Variants in FGF1 observed in about 807,000 individuals in gnomAD.
The protein encoded by FGF1 is beta-endothelial cell growth factor.
In FGF1, 9 loss-of-function variants were observed where a neutral mutation model predicts 13.4. That is an observed-to-expected ratio of 0.67 (90% CI 0.40 to 1.17). The LOEUF is 1.17. Ranked by LOEUF, FGF1 falls within the 50% of genes most tolerant of loss-of-function variation. The probability of loss-of-function intolerance (pLI) is 0.01; values close to 1 mark genes in which losing one functional copy is unlikely to be tolerated. For missense variants in FGF1, 156 were observed against 192.7 expected (o/e 0.81, Z 1.13); for synonymous variants, 93 against 79.0 (o/e 1.18, Z -0.94).
At chr5:142,678,650 C>T (rs1773113486) in intron 1 of FGF1, among the ~76,000 whole-genome samples, 1 of 152,206 alleles carries the variant, frequency 6.6e-6, no homozygotes, top group Non-Finnish European at 1.5e-5. Flanking sequence ...GCCACAGTCC[C>T]TGATGAATAA....
chr5:142,604,831 C>T (rs985949092), intron 2 of FGF1, among the ~76,000 whole-genome samples: 13 of 152,164 alleles, frequency 8.5e-5, no homozygotes, highest in African/African-American at 3.1e-4. Flanking sequence ...TTCACACAAT[C>T]TCTTGGGCTC....
At chr5:142,604,134 A>C (rs1489751475) in intron 2 of FGF1, among the ~76,000 whole-genome samples, 3 of 152,204 alleles carry the variant, frequency 2.0e-5, no homozygotes, top group African/African-American at 7.2e-5. Context: ...AATTATGGTT[A>C]AAAGGCATGG....
chr5:142,681,576 A>G (rs1773701214), intron 1 of FGF1, among the ~76,000 whole-genome samples: 1 of 152,176 alleles, frequency 6.6e-6, no homozygotes, highest in African/African-American at 2.4e-5. Flanking sequence ...CAGAATTTCC[A>G]AATCCTGGCC....
intron 1 of FGF1, among the ~76,000 whole-genome samples, chr5:142,617,364 CA>C (rs113175195): frequency 3.7e-4 from 52 of 141,042 alleles, no homozygotes; most frequent in East Asian, 8.3e-4. Context: ...GACTCTGTCT[CA>C]AAAAAAAAAA....
chr5:142,606,210 TTC>T (rs66960743), intron 2 of FGF1, among the ~76,000 whole-genome samples: 1,941 of 95,792 alleles, frequency 0.02, 33 homozygotes, highest in East Asian at 0.063. Context: ...GCAACATTCT[TTC>T]TCTCTCTGTG....
chr5:142,646,091 A>G (rs2151961587), intron 1 of FGF1, among the ~76,000 whole-genome samples: 1 of 149,556 alleles, frequency 6.7e-6, no homozygotes, highest in East Asian at 2.1e-4. Context: ...TTGTATTTGT[A>G]GTAGAGATGG....
At chr5:142,635,710 A>G (rs545459128) in intron 1 of FGF1, among the ~76,000 whole-genome samples, 2 of 152,150 alleles carry the variant, frequency 1.3e-5, no homozygotes, top group Non-Finnish European at 2.9e-5. Flanking sequence ...GGTTCCCCCA[A>G]CAAAGGGTTC....
chr5:142,672,945 C>T (rs888185947), intron 1 of FGF1, among the ~76,000 whole-genome samples: 1 of 152,142 alleles, frequency 6.6e-6, no homozygotes, highest in African/African-American at 2.4e-5. Flanking sequence ...AGCTTCAGTT[C>T]CATCATCAGT....
At chr5:142,598,633 C>G (rs1379193477) in intron 3 of FGF1, among the ~76,000 whole-genome samples, 1 of 152,096 alleles carries the variant, frequency 6.6e-6, no homozygotes, top group Non-Finnish European at 1.5e-5. Context: ...CATATCCTTT[C>G]CACACACACA....
At chr5:142,626,721 C>T (rs1269817265) in intron 1 of FGF1, 1 of 152,244 alleles carries the variant, frequency 6.6e-6, no homozygotes, top group Admixed American at 6.5e-5. Context: ...GATTGTCACT[C>T]CTGTGCCTCC....
At chr5:142,626,807 G>T (rs992480044) in intron 1 of FGF1, 4 of 152,282 alleles carry the variant, frequency 2.6e-5, no homozygotes, top group African/African-American at 4.8e-5. Context: ...GATGAAGGGT[G>T]GGGGAGAGGC....
intron 3 of FGF1, among the ~76,000 whole-genome samples, chr5:142,599,831 G>T (rs1756099109): frequency 2.0e-5 from 3 of 150,556 alleles, no homozygotes; most frequent in Non-Finnish European, 4.4e-5. Flanking sequence ...ATTAGACTAT[G>T]CCTCTCCATT....
chr5:142,682,085 ATTTTT>A (rs371659888), intron 1 of FGF1, among the ~76,000 whole-genome samples: 1 of 134,958 alleles, frequency 7.4e-6, no homozygotes. Context: ...TTTCTCCTCT[ATTTTT>A]TTTTTTTTTT....
intron 2 of FGF1, among the ~76,000 whole-genome samples, chr5:142,691,475 TAAAA>T (rs1238837715): frequency 7.5e-6 from 1 of 133,678 alleles, no homozygotes; most frequent in Non-Finnish European, 1.7e-5. Flanking sequence ...TAAAATAAAA[TAAAA>T]TAAATAAAAT....
At chr5:142,646,507 C>G (rs762399947) in intron 1 of FGF1, among the ~76,000 whole-genome samples, 1 of 152,098 alleles carries the variant, frequency 6.6e-6, no homozygotes, top group African/African-American at 2.4e-5. Context: ...CCTGTGCCAC[C>G]ACGCCCGGCT....
chr5:142,676,111 G>GAT (rs1203823637), intron 1 of FGF1, among the ~76,000 whole-genome samples: 1 of 152,100 alleles, frequency 6.6e-6, no homozygotes, highest in Non-Finnish European at 1.5e-5. Flanking sequence ...AAAGGCACAG[G>GAT]ATAATAATCT....
intron 2 of FGF1, among the ~76,000 whole-genome samples, chr5:142,695,626 G>C (rs553626923): frequency 7.2e-4 from 107 of 147,616 alleles, no homozygotes; most frequent in Admixed American, 1.1e-3. Flanking sequence ...AAGAATTAAC[G>C]ACCCCAAGTA....
chr5:142,596,444 T>C (rs1282653719), intron 3 of FGF1, among the ~76,000 whole-genome samples: 1 of 124,312 alleles, frequency 8.0e-6, no homozygotes. Context: ...TTCTCTACAA[T>C]TTTTTTTTTT....
chr5:142,606,218 C>CTCTGTGTGTGTG (rs151219206), intron 2 of FGF1, among the ~76,000 whole-genome samples: 2,546 of 143,096 alleles, frequency 0.018, 84 homozygotes, highest in African/African-American at 0.059. Context: ...CTTTCTCTCT[C>CTCTGTGTGTGTG]TGTGTGTGTG....
Sources: allele counts gnomAD v4.1 joint callset (sites outside exome capture counted in the v4.1 genomes callset), GRCh38; gene constraint gnomAD v4.1.1; transcripts MANE v1.5; gene names NCBI Gene and HGNC (gene_info 2026-07-23, HGNC 2026-07-21).